PDS5A: variants seen among roughly 807,000 people sequenced by gnomAD.
PDS5A encodes sister chromatid cohesion protein PDS5 homolog A.
Under a neutral mutation model 167.1 loss-of-function variants are expected in PDS5A, and 42 were observed. The ratio of observed to expected loss-of-function variants is 0.25; its 90% CI spans 0.20 to 0.33. The LOEUF is 0.33. Ranked by LOEUF, PDS5A falls within the 10% of genes least tolerant of loss-of-function variation. The probability of loss-of-function intolerance (pLI) is 1.00; values close to 1 mark genes in which losing one functional copy is unlikely to be tolerated. For synonymous variants in PDS5A, 553 were observed against 554.6 expected (o/e 1.00, Z 0.04); for missense variants, 1,033 against 1,605.9 (o/e 0.64, Z 6.10).
chr4:39,837,730 C>A, intron 32 of PDS5A, 126 bp downstream of exon 32: 1 of 654,360 alleles, frequency 1.5e-6, no homozygotes, highest in Non-Finnish European at 2.5e-6. Flanking sequence ...ATAAACGGAC[C>A]CAGGAAAACC....
At chr4:39,872,198 CAG>C (rs1406835264) in intron 21 of PDS5A, among the ~76,000 whole-genome samples, 2 of 104,984 alleles carry the variant, frequency 1.9e-5, no homozygotes, top group Admixed American at 2.4e-4. Flanking sequence ...TTTTTTGAGA[CAG>C]AGTTTCGCTC....
intron 2 of PDS5A, among the ~76,000 whole-genome samples, chr4:39,970,788 T>TC (rs201076015): frequency 5.0e-4 from 64 of 129,040 alleles, no homozygotes; most frequent in East Asian, 2.6e-3. Flanking sequence ...AACCGCTTGT[T>TC]CCTTTTTTTT....
chr4:39,946,293 GAATT>G (rs1405186894), intron 2 of PDS5A, among the ~76,000 whole-genome samples: 7 of 151,856 alleles, frequency 4.6e-5, no homozygotes, highest in Non-Finnish European at 1.0e-4. Context: ...AAGGCAGATG[GAATT>G]AATTATGGCA....
At chr4:39,840,054 A>G (rs1029932958) in intron 31 of PDS5A, among the ~76,000 whole-genome samples, 1 of 152,164 alleles carries the variant, frequency 6.6e-6, no homozygotes, top group Non-Finnish European at 1.5e-5. Flanking sequence ...AGATTGTGCC[A>G]CTGCACTCCA....
chr4:39,849,086 T>A lies in PDS5A; in HGVS notation c.3220-116A>T, dbSNP rs1717890036. On this transcript the variant is annotated intron_variant, in intron 27 of 32. Transcript: ENST00000303538. ...GAAGGATACTGTGGTTGTTATTTATTCCTTGAACATTCCATATTTCTGTTC... is the reference window on the plus strand; with the variant it reads ...GAAGGATACTGTGGTTGTTATTTATACCTTGAACATTCCATATTTCTGTTC... The A allele has an allele frequency of 2.3e-5, 17 of 729,292 alleles. 2 individuals carry two copies. The South Asian group carries it at 3.3e-4, about 14-fold the overall frequency. 45.2% of individuals were successfully genotyped at this position (729,292 alleles called of 1,614,324 possible). A position where few individuals can be genotyped will look rare whatever the true frequency, so the allele number is the denominator to read the frequency against.
intron 17 of PDS5A, among the ~76,000 whole-genome samples, chr4:39,885,245 TTA>T (rs1491578568): frequency 3.5e-5 from 3 of 85,434 alleles, no homozygotes; most frequent in Non-Finnish European, 5.1e-5. Flanking sequence ...AGATTCCTTC[TTA>T]AAAAAAAAAA....
chr4:39,862,809 A>C (rs1380572668), intron 25 of PDS5A, 60 bp downstream of exon 25: 4 of 1,075,322 alleles, frequency 3.7e-6, no homozygotes, highest in Non-Finnish European at 5.5e-6. Context: ...GAAAAAAAAA[A>C]CCTAAAAATG....
intron 2 of PDS5A, among the ~76,000 whole-genome samples, chr4:39,935,043 T>C (rs1243318546): frequency 6.6e-6 from 1 of 152,238 alleles, no homozygotes; most frequent in African/African-American, 2.4e-5. Flanking sequence ...AATTATTTTC[T>C]TTTATGGTTT....
intron 26 of PDS5A, among the ~76,000 whole-genome samples, chr4:39,859,461 G>A (rs1452675898): frequency 6.6e-6 from 1 of 151,916 alleles, no homozygotes; most frequent in Non-Finnish European, 1.5e-5. Context: ...AACATTAGTT[G>A]GAACTTCAAA....
intron 11 of PDS5A, 85 bp from the exon 12 acceptor site, chr4:39,904,276 T>C: frequency 3.6e-6 from 3 of 843,970 alleles, no homozygotes; most frequent in Non-Finnish European, 5.5e-6. Flanking sequence ...CATTAGGTTG[T>C]ACAGTCTTAT....
chr4:39,886,470 T>G (rs564732121), intron 17 of PDS5A, among the ~76,000 whole-genome samples: 2 of 152,242 alleles, frequency 1.3e-5, no homozygotes, highest in South Asian at 2.1e-4. Flanking sequence ...TTCCAGCACT[T>G]TGGGAGGCCG....
chr4:39,896,117 A>C (rs555710343), intron 16 of PDS5A, among the ~76,000 whole-genome samples: 1 of 150,688 alleles, frequency 6.6e-6, no homozygotes, highest in African/African-American at 2.4e-5. Context: ...ACCATAGCTC[A>C]CTGTAGGCTT....
intron 2 of PDS5A, among the ~76,000 whole-genome samples, chr4:39,928,739 C>T (rs1388094502): frequency 6.6e-6 from 1 of 151,544 alleles, no homozygotes; most frequent in Non-Finnish European, 1.5e-5. Flanking sequence ...ATAGGAGGGT[C>T]CCTTGAGCCC....
At chr4:39,891,351 A>T (rs1224401960) in intron 16 of PDS5A, among the ~76,000 whole-genome samples, 1 of 151,664 alleles carries the variant, frequency 6.6e-6, no homozygotes, top group Non-Finnish European at 1.5e-5. Flanking sequence ...TTGTTTCTTA[A>T]AAAATACATA....
At chr4:39,896,801 T>A in intron 16 of PDS5A, among the ~76,000 whole-genome samples, 1 of 151,358 alleles carries the variant, frequency 6.6e-6, no homozygotes, top group Non-Finnish European at 1.5e-5. Context: ...CTTTTTTTTG[T>A]GCAAAACTAA....
chr4:39,887,359 T>C (rs1186678535), intron 17 of PDS5A, among the ~76,000 whole-genome samples: 1 of 152,210 alleles, frequency 6.6e-6, no homozygotes, highest in Non-Finnish European at 1.5e-5. Flanking sequence ...TCAGAACCTA[T>C]TAAAATGACT....
intron 8 of PDS5A, among the ~76,000 whole-genome samples, chr4:39,914,713 T>G (rs1724200041): frequency 6.6e-6 from 1 of 152,214 alleles, no homozygotes; most frequent in Non-Finnish European, 1.5e-5. Flanking sequence ...GTAAAATAAG[T>G]TATTCTAAAA....
chr4:39,849,137 AAAT>A (rs1717894866), intron 27 of PDS5A, among the ~76,000 whole-genome samples, 167 bp from the exon 28 acceptor site: 1 of 152,212 alleles, frequency 6.6e-6, no homozygotes, highest in Non-Finnish European at 1.5e-5. Context: ...GCCTTCTGAT[AAAT>A]AAAAATCCCT....
chr4:39,896,266 A>C (rs886801740), intron 16 of PDS5A, among the ~76,000 whole-genome samples: 31 of 148,338 alleles, frequency 2.1e-4, no homozygotes, highest in African/African-American at 7.3e-4. Flanking sequence ...GGTTGGTCTC[A>C]AATTCCTGGC....
Sources: allele counts gnomAD v4.1 joint callset (sites outside exome capture counted in the v4.1 genomes callset), GRCh38; gene constraint gnomAD v4.1.1; transcripts MANE v1.5; gene names NCBI Gene and HGNC (gene_info 2026-07-23, HGNC 2026-07-21).